The following ANK3 variants were observed in gnomAD, a reference collection of about 807,000 sequenced individuals.
ANK3 encodes ankyrin-3.
Under a neutral mutation model 370.9 loss-of-function variants are expected in ANK3, and 57 were observed. The ratio of observed to expected loss-of-function variants is 0.15; its 90% CI spans 0.12 to 0.19. The LOEUF is 0.19. ANK3 is among the 10% of genes least tolerant of loss of function. The probability of loss-of-function intolerance (pLI) is 1.00; values close to 1 mark genes in which losing one functional copy is unlikely to be tolerated. For synonymous variants in ANK3, 1,929 were observed against 1,946.3 expected (o/e 0.99, Z 0.23); for missense variants, 4,439 against 5,302.1 (o/e 0.84, Z 5.06).
upstream of ANK3, chr10:60,390,010 A>G (rs1318406623): frequency 7.2e-6 from 1 of 138,014 alleles, no homozygotes; most frequent in African/African-American, 4.5e-5. Flanking sequence ...AAAAAAGAAA[A>G]GGCTGCAATT....
intron 2 of ANK3, among the ~76,000 whole-genome samples, chr10:60,578,406 C>T (rs1195820038): frequency 1.3e-5 from 2 of 152,098 alleles, no homozygotes; most frequent in African/African-American, 4.8e-5. Context: ...GATATACATT[C>T]TTTTGTGAGG....
chr10:60,693,559 G>A lies in ANK3; in HGVS notation c.57+39704C>T, dbSNP rs563156684. On this transcript the variant is annotated intron_variant, in intron 1 of 43. Coordinates refer to the ANK3 transcript ENST00000373827. ...AGTATGCAGCTGGAGATCTGAGAACGGGCAGACTGCCTCCTAAAGTGGGTC... is the reference window on the plus strand; with the variant it reads ...AGTATGCAGCTGGAGATCTGAGAACAGGCAGACTGCCTCCTAAAGTGGGTC... Among the ~76,000 whole-genome samples, 6 of 152,288 alleles carry A rather than the reference G, an allele frequency of 3.9e-5. No individual in the cohort carries two copies. The South Asian group carries it at 6.2e-4, about 16-fold the overall frequency.
chr10:60,721,365 T>C (rs1285805512), intron 1 of ANK3, among the ~76,000 whole-genome samples: 8 of 152,148 alleles, frequency 5.3e-5, no homozygotes, highest in Non-Finnish European at 1.2e-4. Context: ...AGACTGCATT[T>C]AAAGAAAGGT....
intron 9 of ANK3, among the ~76,000 whole-genome samples, chr10:60,209,448 A>C (rs2096817221): frequency 6.6e-6 from 1 of 152,192 alleles, no homozygotes. Context: ...CCACTCTCTG[A>C]CATATATTTC....
In ANK3 at chr10:60,208,238, A is replaced by G; in HGVS notation, c.997-5T>C. 2 of 1,613,532 alleles carry G rather than the reference A, an allele frequency of 1.2e-6. No individual in the cohort carries two copies. The highest frequency in any genetic ancestry group is 8.5e-7 in the Non-Finnish European group (1 of 1,179,442). On this transcript the variant is annotated splice_polypyrimidine_tract_variant and splice_region_variant and intron_variant, in intron 9 of 43. Coordinates refer to ENST00000280772, the MANE Select transcript of ANK3 (RefSeq NM_020987.5). The stretch of plus-strand genomic sequence containing the variant: ...GTGCAATGGAGATAATCCATTCTGG[A>G]ACACATAAAGAAATCAGAGTTCATT...
At chr10:60,044,090 C>T (rs2076559913) in intron 42 of ANK3, 2 of 985,550 alleles carry the variant, frequency 2.0e-6, no homozygotes, top group South Asian at 4.7e-5. Context: ...ATCACGTTTT[C>T]TCTCTTGTGG....
At chr10:60,041,096 T>C (rs2076007602) in intron 43 of ANK3, among the ~76,000 whole-genome samples, 1 of 152,198 alleles carries the variant, frequency 6.6e-6, no homozygotes, top group Non-Finnish European at 1.5e-5. Flanking sequence ...GAAATTTTTT[T>C]ATTTAGCCAT....
intron 1 of ANK3, among the ~76,000 whole-genome samples, chr10:60,630,765 A>G (rs2078471208): frequency 1.3e-5 from 2 of 152,222 alleles, no homozygotes; most frequent in Admixed American, 6.5e-5. Context: ...GGTAAAGAGC[A>G]TAGAACACGG....
In ANK3 at chr10:60,135,135, C is replaced by G. The variant is rs564589212; in HGVS notation, c.2739-762G>C. Among the ~76,000 whole-genome samples the G allele has an allele frequency of 2.0e-4, 31 of 152,294 alleles. No individual in the cohort carries two copies. The South Asian group carries it at 5.8e-3, about 29-fold the overall frequency. The stretch of plus-strand genomic sequence containing the variant: ...ACTAAAACTCAATAGAGTCAGGGCC[C>G]TTGGGAGAACAGTTCTGCCATGTCA... On this transcript the variant is annotated intron_variant, in intron 24 of 43. Coordinates refer to ENST00000280772, the MANE Select transcript of ANK3 (RefSeq NM_020987.5).
rs142285906 is a variant in ANK3, at chr10:60,524,837, C to T, written c.96+90349G>A. On this transcript the variant is annotated intron_variant, in intron 2 of 43. Transcript: ENST00000373827. ...ACACATGTACAAGGATGAAAGGGAG[C>T]ATCATGTGAAAAGCATGAGGAGTCC... Among the ~76,000 whole-genome samples the T allele has an allele frequency of 3.9e-3, 594 of 152,144 alleles. 12 individuals are homozygous for T. Among genetic ancestry groups the T allele is most frequent in the East Asian group, 3.7e-3 (19 of 5,152 alleles).
In ANK3 at chr10:60,126,355, T is replaced by C. The variant is rs554344495; in HGVS notation, c.2841+7916A>G. ...AAGGTGTTCATTTTAGAGTGATCAA[T>C]TGGCAAGGGGCTCCTTTCTAAAGTT... is the stretch of plus-strand genomic sequence containing the variant. On this transcript the variant is annotated intron_variant, in intron 25 of 43. Transcript: ENST00000280772. Among the ~76,000 whole-genome samples, 18 of 152,284 alleles carry C rather than the reference T, an allele frequency of 1.2e-4. 1 individual carries two copies. In the South Asian group the frequency reaches 1.9e-3, roughly 16 times the overall value.
rs1185993061 is a variant in ANK3, at chr10:60,724,075, T to G, written c.57+9188A>C. 4.7e-5 allele frequency among the ~76,000 whole-genome samples: 6 copies of G among 128,542 alleles called. 1 individual carries two copies. The highest frequency in any genetic ancestry group is 8.2e-5 in the African/African-American group (3 of 36,630). The allele number at this position is 128,542 out of a possible 152,430, so 84.3% of individuals were successfully genotyped here. ...AATACAAAAAATTAGCCAGGTGTGG[T>G]GGCGGGCGCCTGTAGTCCCAGCTAC... On this transcript the variant is annotated intron_variant, in intron 1 of 43. Coordinates refer to the ANK3 transcript ENST00000373827.
chr10:60,600,067 A>G (rs1293175610), intron 2 of ANK3, among the ~76,000 whole-genome samples: 1 of 152,180 alleles, frequency 6.6e-6, no homozygotes, highest in Non-Finnish European at 1.5e-5. Flanking sequence ...TTGTACACTC[A>G]GAAAAATGGC....
At chr10:60,525,822 T>C (rs2076455928) in intron 2 of ANK3, among the ~76,000 whole-genome samples, 1 of 152,118 alleles carries the variant, frequency 6.6e-6, no homozygotes, top group African/African-American at 2.4e-5. Flanking sequence ...TTGTAAATGA[T>C]GAAGCACCTG....
chr10:60,258,272 A>T (rs1364224094), intron 7 of ANK3, among the ~76,000 whole-genome samples: 1 of 152,272 alleles, frequency 6.6e-6, no homozygotes, highest in Admixed American at 6.5e-5. Flanking sequence ...GCATTGCAGC[A>T]TTCAGCAGCT....
intron 7 of ANK3, among the ~76,000 whole-genome samples, chr10:60,254,343 T>C (rs975979832): frequency 5.3e-5 from 8 of 152,158 alleles, no homozygotes; most frequent in Admixed American, 4.6e-4. Flanking sequence ...TGCAAATGCA[T>C]CACTACACAA....
rs781362091 is a variant in ANK3, at chr10:60,076,170, T to C, written c.4711A>G (p.Ile1571Val). The C allele has an allele frequency of 1.9e-5, 31 of 1,614,086 alleles. No individual in the cohort carries two copies. In the East Asian group the frequency reaches 3.3e-4, roughly 17 times the overall value. The change falls in exon 37 of 44, where the codon ATT (isoleucine) becomes GTT (valine). Residue 1571 changes from isoleucine to valine, a missense_variant. Ile to Val is a conservative substitution (Grantham distance 29). This residue lies in a region of ANK3 where 679 missense variants were observed against 791.0 expected (regional missense o/e 0.86). Transcript: ENST00000280772. ...VKSISDVASP[I>V]RSFRTMSSPI... ...GAAGACATTGTCCGAAAGGATCTAA[T>C]TGGAGATGCCACGTCACTAATGGAT...
chr10:60,407,124 C>G (rs143468863), intron 2 of ANK3, among the ~76,000 whole-genome samples: 1 of 152,196 alleles, frequency 6.6e-6, no homozygotes, highest in Non-Finnish European at 1.5e-5. Context: ...CCCAGTTACT[C>G]TTTCTCACAC....
chr10:60,338,638 C>T (rs2053569717), intron 1 of ANK3, among the ~76,000 whole-genome samples: 1 of 152,110 alleles, frequency 6.6e-6, no homozygotes, highest in African/African-American at 2.4e-5. Context: ...GGAACTATTG[C>T]CTCCCCAATT....
Sources: gnomAD v4.1 joint callset for allele counts (sites outside exome capture counted in the v4.1 genomes callset) on GRCh38, gnomAD v4.1.1 for gene constraint, gnomAD v4.1.1 regional missense constraint, MANE v1.5 for transcripts, NCBI Gene and HGNC (gene_info 2026-07-23, HGNC 2026-07-21) for gene names.